PRDM6: variants seen among roughly 807,000 people sequenced by gnomAD.
PRDM6 encodes putative histone-lysine N-methyltransferase PRDM6.
In PRDM6, 25 loss-of-function variants were observed where a neutral mutation model predicts 60.8. That is an observed-to-expected ratio of 0.41 (90% CI 0.30 to 0.57). The LOEUF (loss-of-function observed/expected upper bound fraction) is 0.57. Among genes scored for constraint, PRDM6 ranks in the 20% least tolerant of loss-of-function variants. The pLI is 0.27. For missense variants in PRDM6, 839 were observed against 821.3 expected (o/e 1.02, Z -0.26); for synonymous variants, 407 against 357.4 (o/e 1.14, Z -1.57).
intron 3 of PRDM6, 119 bp downstream of exon 3, chr5:123,100,080 C>A (rs1342627203): frequency 1.9e-6 from 2 of 1,070,512 alleles, no homozygotes; most frequent in Non-Finnish European, 1.3e-6. Flanking sequence ...CCTCCCTTGG[C>A]CCCCAGAGGG....
chr5:123,115,416 G>C (rs776657159), intron 3 of PRDM6, among the ~76,000 whole-genome samples: 1 of 152,092 alleles, frequency 6.6e-6, no homozygotes, highest in Non-Finnish European at 1.5e-5. Context: ...TCTACTCATA[G>C]TGAGCCATGC....
In PRDM6 at chr5:123,090,040, G is replaced by T. The variant is rs1209001058; in HGVS notation, c.26G>T (p.Gly9Val). Residue 9 changes from glycine to valine, a missense_variant, in exon 2 of 8, where the codon GGT becomes GTT. This residue lies in a region of PRDM6 where 730 missense variants were observed against 648.8 expected (regional missense o/e 1.13). Transcript: ENST00000407847. Reference sequence around the variant, plus strand: ...ATGCTGAAGCCCGGAGACCCCGGCGGTTCGGCCTTCCTCAAAGTGGACCCA... The same window carrying T: ...ATGCTGAAGCCCGGAGACCCCGGCGTTTCGGCCTTCCTCAAAGTGGACCCA... MLKPGDPG[G>V]SAFLKVDPAY... The T allele has an allele frequency of 2.6e-6, 4 of 1,548,162 alleles. No homozygotes were observed. The highest frequency in any genetic ancestry group is 1.2e-5 in the South Asian group (1 of 84,030).
At chr5:123,168,468 C>T (rs1429899141) in intron 5 of PRDM6, among the ~76,000 whole-genome samples, 2 of 151,954 alleles carry the variant, frequency 1.3e-5, no homozygotes, top group Non-Finnish European at 2.9e-5. Context: ...AATGTGTGAC[C>T]CAGGGTAAGT....
rs142658738 is a variant in PRDM6 at position 123,135,972 on chromosome 5, C to T, written c.901-19912C>T. ...AATAATTTTTTATTACTTTTTCACTCGCACTAAAGTAAAGGAAATTAAAGT... is the reference window on the plus strand; with the variant it reads ...AATAATTTTTTATTACTTTTTCACTTGCACTAAAGTAAAGGAAATTAAAGT... On this transcript the variant is annotated intron_variant, in intron 3 of 7. Coordinates refer to ENST00000407847, the MANE Select transcript of PRDM6 (RefSeq NM_001136239.4). Among the ~76,000 whole-genome samples, 323 of 152,244 alleles carry T rather than the reference C, an allele frequency of 2.1e-3. 1 individual carries two copies. Among genetic ancestry groups the T allele is most frequent in the African/African-American group, 7.0e-3 (290 of 41,552 alleles).
intron 3 of PRDM6, among the ~76,000 whole-genome samples, chr5:123,127,348 C>A (rs1764716414): frequency 6.6e-6 from 1 of 152,144 alleles, no homozygotes; most frequent in African/African-American, 2.4e-5. Flanking sequence ...CCAACACTTA[C>A]TTTGTTTTAC....
chr5:123,180,614 A>G (rs1766132078), intron 7 of PRDM6, among the ~76,000 whole-genome samples: 1 of 152,100 alleles, frequency 6.6e-6, no homozygotes, highest in Non-Finnish European at 1.5e-5. Flanking sequence ...TAATTTTAAT[A>G]TTTTTTTCAG....
In PRDM6 at chr5:123,089,996, C is replaced by G. The variant is rs1177449186; in HGVS notation, c.-15-4C>G. 1.3e-6 allele frequency: 2 copies of G among 1,540,900 alleles called. No homozygotes were observed. The highest frequency in any genetic ancestry group is 5.0e-5 in the East Asian group (2 of 39,634). On this transcript the variant is annotated splice_region_variant and splice_polypyrimidine_tract_variant and intron_variant, in intron 1 of 7. Coordinates refer to ENST00000407847, the MANE Select transcript of PRDM6 (RefSeq NM_001136239.4). ...GCCCCCTCTTCCCTGCCCTCTGCCC[C>G]CAGTTCGAGGCGCCGGACATGCTGA... is the stretch of plus-strand genomic sequence containing the variant.
intron 3 of PRDM6, among the ~76,000 whole-genome samples, chr5:123,134,907 C>A (rs530717176): frequency 1.3e-5 from 2 of 152,096 alleles, no homozygotes; most frequent in African/African-American, 2.4e-5. Flanking sequence ...GGACATTTAA[C>A]CTGCAGTGGT....
intron 3 of PRDM6, among the ~76,000 whole-genome samples, chr5:123,144,894 G>C (rs1410872114): frequency 6.6e-6 from 1 of 151,976 alleles, no homozygotes; most frequent in Non-Finnish European, 1.5e-5. Flanking sequence ...GGCAGGCGTC[G>C]TATCCTTTTA....
chr5:123,169,169 C>T (rs1765828175), intron 5 of PRDM6, among the ~76,000 whole-genome samples: 1 of 152,132 alleles, frequency 6.6e-6, no homozygotes, highest in South Asian at 2.1e-4. Flanking sequence ...CACCTGGTAA[C>T]TTTAATCTCT....
chr5:123,094,338 T>G (rs1324260357), intron 2 of PRDM6, among the ~76,000 whole-genome samples: 1 of 152,098 alleles, frequency 6.6e-6, no homozygotes. Context: ...CCTTCTGCCC[T>G]GCGCCTCCTC....
chr5:123,139,560 A>G (rs561675227), intron 3 of PRDM6, among the ~76,000 whole-genome samples: 1 of 151,982 alleles, frequency 6.6e-6, no homozygotes, highest in Admixed American at 6.6e-5. Flanking sequence ...TGGTCCATAG[A>G]TTCTTTGTTG....
At chr5:123,170,474 G>T (rs994667551) in intron 5 of PRDM6, among the ~76,000 whole-genome samples, 3 of 152,162 alleles carry the variant, frequency 2.0e-5, no homozygotes, top group African/African-American at 4.8e-5. Flanking sequence ...GTGCAGTGTG[G>T]TGCTCACTAT....
intron 3 of PRDM6, among the ~76,000 whole-genome samples, chr5:123,133,047 C>T (rs1291785772): frequency 6.6e-6 from 1 of 152,032 alleles, no homozygotes; most frequent in African/African-American, 2.4e-5. Context: ...AAGGCTATGT[C>T]AGGAGAGAGG....
intron 3 of PRDM6, among the ~76,000 whole-genome samples, chr5:123,143,935 C>T (rs775957715): frequency 3.3e-5 from 5 of 152,144 alleles, no homozygotes; most frequent in Non-Finnish European, 5.9e-5. Context: ...GTGGTCCAGT[C>T]AGGGGATCCA....
At chr5:123,110,690 C>A (rs553823210) in intron 3 of PRDM6, among the ~76,000 whole-genome samples, 1 of 151,830 alleles carries the variant, frequency 6.6e-6, no homozygotes, top group South Asian at 2.1e-4. Flanking sequence ...GCCTCAGCTC[C>A]TGAGTAGCTG....
chr5:123,169,754 A>G (rs1382359242), intron 5 of PRDM6, among the ~76,000 whole-genome samples: 2 of 152,146 alleles, frequency 1.3e-5, no homozygotes, highest in Non-Finnish European at 2.9e-5. Context: ...CTCAGCCACC[A>G]CACCATGCTG....
chr5:123,155,905 C>T lies in PRDM6; in HGVS notation c.922C>T (p.Leu308=), dbSNP rs1479468442. ...LWEIYDQDGT[L]QHFIDGGEPS... Reference sequence around the variant, plus strand: ...CCAGATATATGACCAGGATGGGACACTACAGCACTTTATTGATGGTGGGGA... The same window carrying T: ...CCAGATATATGACCAGGATGGGACATTACAGCACTTTATTGATGGTGGGGA... Residue 308 remains leucine (L), a synonymous_variant, in exon 4 of 8, where the codon CTA becomes TTA. Transcript: ENST00000407847. 1.3e-6 allele frequency: 2 copies of T among 1,551,518 alleles called. No individual in the cohort carries two copies. Among genetic ancestry groups the T allele is most frequent in the Non-Finnish European group, 1.7e-6 (2 of 1,146,874 alleles).
intron 3 of PRDM6, among the ~76,000 whole-genome samples, chr5:123,146,095 A>G (rs960598586): frequency 1.3e-5 from 2 of 152,212 alleles, no homozygotes; most frequent in African/African-American, 4.8e-5. Context: ...GTAAGTATTT[A>G]ATACGATTGC....
Sources: gnomAD v4.1 joint callset for allele counts (sites outside exome capture counted in the v4.1 genomes callset) on GRCh38, gnomAD v4.1.1 for gene constraint, gnomAD v4.1.1 regional missense constraint, MANE v1.5 for transcripts, NCBI Gene and HGNC (gene_info 2026-07-23, HGNC 2026-07-21) for gene names.